The following EPB41L1 variants were observed in gnomAD, a reference collection of about 807,000 sequenced individuals.
The protein encoded by EPB41L1 is band 4.1-like protein 1.
EPB41L1 carries 29 observed loss-of-function variants against 97.8 expected under a neutral mutation model. That is an observed-to-expected ratio of 0.30 (90% confidence interval 0.22 to 0.40). The LOEUF (loss-of-function observed/expected upper bound fraction) is 0.40. EPB41L1 is among the 10% of genes least tolerant of loss of function. The probability of loss-of-function intolerance (pLI) is 1.00; values close to 1 mark genes in which losing one functional copy is unlikely to be tolerated. For synonymous variants in EPB41L1, 383 were observed against 459.2 expected (o/e 0.83, Z 2.12); for missense variants, 812 against 1,162.3 (o/e 0.70, Z 4.38).
intron 1 of EPB41L1, among the ~76,000 whole-genome samples, chr20:36,100,187 G>C (rs2057966106): frequency 6.6e-6 from 1 of 152,222 alleles, no homozygotes. Flanking sequence ...GGCTTATACT[G>C]TCCTGGTAGT....
At chr20:36,158,140 G>A (rs1036151821) in intron 1 of EPB41L1, among the ~76,000 whole-genome samples, 2 of 152,132 alleles carry the variant, frequency 1.3e-5, no homozygotes, top group African/African-American at 4.8e-5. Flanking sequence ...GCTAGGCTGT[G>A]GGGGAGTCAG....
intron 6 of EPB41L1, among the ~76,000 whole-genome samples, chr20:36,184,258 A>C (rs2061589352): frequency 6.6e-6 from 1 of 152,156 alleles, no homozygotes; most frequent in African/African-American, 2.4e-5. Flanking sequence ...AAGAAAAAGA[A>C]ATAGGCAGTT....
chr20:36,196,516 T>C (rs542771961), intron 13 of EPB41L1, among the ~76,000 whole-genome samples: 160 of 152,324 alleles, frequency 1.1e-3, no homozygotes, highest in Middle Eastern at 3.4e-3. Context: ...GCAGCTCAGC[T>C]TGGGAAGGGA....
rs781704804 is a variant in EPB41L1 at position 36,190,395 on chromosome 20, G to A, written c.1124+21G>A. The A allele has an allele frequency of 2.5e-6, 4 of 1,611,898 alleles. No homozygotes were observed. In the African/African-American group the frequency reaches 4.0e-5, roughly 16 times the overall value. ...TTCCGGTGAGCCTGACCTTGGATGGGGTAATGGGGATGGGGCAGAGGCCAT... is the reference window on the plus strand; with the variant it reads ...TTCCGGTGAGCCTGACCTTGGATGGAGTAATGGGGATGGGGCAGAGGCCAT... On this transcript the variant is annotated intron_variant, in intron 10 of 21. Transcript: ENST00000338074. This position sits in a 1 kb window ranked among gnomAD's most constrained non-coding sequence, Gnocchi z 5.8.
In EPB41L1 at chr20:36,206,430, G is replaced by T. The variant is rs769790619; in HGVS notation, c.1669-3058G>T. On this transcript the variant is annotated intron_variant, in intron 14 of 21. Coordinates refer to ENST00000338074, the MANE Select transcript of EPB41L1 (RefSeq NM_012156.2). This position sits in a 1 kb window ranked among gnomAD's most constrained non-coding sequence, Gnocchi z 5.5. ...CAGCCCACGCAGAAGCCAGAGCTGAGTTGAGCAATGAAACTGATACTTCCT... is the reference window on the plus strand; with the variant it reads ...CAGCCCACGCAGAAGCCAGAGCTGATTTGAGCAATGAAACTGATACTTCCT... 1 of 1,290,060 alleles carries T rather than the reference G, an allele frequency of 7.8e-7. No homozygotes were observed. The highest frequency in any genetic ancestry group is 1.0e-6 in the Non-Finnish European group (1 of 988,928). The allele number at this position is 1,290,060 out of a possible 1,614,324, so 79.9% of individuals were successfully genotyped here.
At chr20:36,205,569 C>T (rs1305328617) in intron 14 of EPB41L1, among the ~76,000 whole-genome samples, 1 of 152,162 alleles carries the variant, frequency 6.6e-6, no homozygotes, top group Non-Finnish European at 1.5e-5. Flanking sequence ...CCATGGCTGA[C>T]ATGGGAAGGG....
chr20:36,225,757 A>G (rs2064109250), intron 21 of EPB41L1, among the ~76,000 whole-genome samples: 1 of 151,940 alleles, frequency 6.6e-6, no homozygotes, highest in African/African-American at 2.4e-5. Context: ...TTCCCAGGGC[A>G]TTCAGAACCA....
intron 5 of EPB41L1, among the ~76,000 whole-genome samples, chr20:36,180,792 A>T (rs1033261950): frequency 6.6e-6 from 1 of 152,124 alleles, no homozygotes; most frequent in Non-Finnish European, 1.5e-5. Flanking sequence ...ATTATTGATT[A>T]TTACCATTAT....
Position 36,162,147 on chromosome 20 carries a change from C to T in EPB41L1, c.-15+7251C>T, listed in dbSNP as rs114449629. Among the ~76,000 whole-genome samples, 991 of 152,340 alleles carry T rather than the reference C, an allele frequency of 6.5e-3. 12 individuals carry two copies. Among genetic ancestry groups the T allele is most frequent in the African/African-American group, 0.023 (948 of 41,576 alleles). ...AGGTTAAGTAACCTGCCCAAGGTCA[C>T]CAAGCCTGTGGCATCAGGATTCCAG... On this transcript the variant is annotated intron_variant, in intron 1 of 21. Coordinates refer to ENST00000338074, the MANE Select transcript of EPB41L1 (RefSeq NM_012156.2).
At position 36,229,408 on chromosome 20, in the gene EPB41L1, A is replaced by C. The variant is rs887495290; in HGVS notation, c.*68A>C. On this transcript the variant is annotated 3_prime_UTR_variant, in exon 22 of 22. Coordinates refer to ENST00000338074, the MANE Select transcript of EPB41L1 (RefSeq NM_012156.2). ...AGAGAACCATTAAGAAGGGGCCTTC[A>C]TTCTGGATTCTCCGACGCAACACTG... The C allele has an allele frequency of 2.0e-6, 3 of 1,535,306 alleles. No individual in the cohort carries two copies. In the African/African-American group the frequency reaches 4.1e-5, roughly 21 times the overall value.
At chr20:36,097,610 TGCAATACCACC>T (rs1169300251) in intron 1 of EPB41L1, among the ~76,000 whole-genome samples, 1 of 152,202 alleles carries the variant, frequency 6.6e-6, no homozygotes, top group African/African-American at 2.4e-5. Context: ...CATGTAAAGA[TGCAATACCACC>T]GCAAGGACAA....
rs930552862 is a variant in EPB41L1, at chr20:36,093,484, G to A, written c.-65+1872G>A. Among the ~76,000 whole-genome samples the A allele has an allele frequency of 6.6e-6, 1 of 151,994 alleles. No homozygotes were observed. The highest frequency in any genetic ancestry group is 2.4e-5 in the African/African-American group (1 of 41,408). On this transcript the variant is annotated intron_variant, in intron 1 of 19. Coordinates refer to the EPB41L1 transcript ENST00000202028. This position sits in a 1 kb window ranked among gnomAD's most constrained non-coding sequence, Gnocchi z 5.4. ...TGGGGGCGGCGGTCCAGGCGCCGCCGCCGCTGGGAGCTGGGCACCTGGCCT... is the reference window on the plus strand; with the variant it reads ...TGGGGGCGGCGGTCCAGGCGCCGCCACCGCTGGGAGCTGGGCACCTGGCCT...
chr20:36,094,502 G>A (rs185737742), intron 1 of EPB41L1, among the ~76,000 whole-genome samples: 1 of 152,282 alleles, frequency 6.6e-6, no homozygotes, highest in Admixed American at 6.5e-5. Flanking sequence ...GGATATCCAA[G>A]TGCAAGAATT....
At chr20:36,157,179 G>A (rs1020546731) in intron 1 of EPB41L1, among the ~76,000 whole-genome samples, 8 of 152,098 alleles carry the variant, frequency 5.3e-5, no homozygotes, top group Admixed American at 5.2e-4. Flanking sequence ...AGCCGACATC[G>A]TGCCACTGCA....
chr20:36,155,122 G>C, intron 1 of EPB41L1: 1 of 478,450 alleles, frequency 2.1e-6, no homozygotes, highest in South Asian at 1.5e-5. Flanking sequence ...GTTGGCGGGG[G>C]GTTGGTCCTG....
intron 16 of EPB41L1, among the ~76,000 whole-genome samples, chr20:36,214,096 G>C (rs1307354693): frequency 6.6e-6 from 1 of 152,132 alleles, no homozygotes; most frequent in African/African-American, 2.4e-5. Context: ...CCTAGAGATT[G>C]CTAGGTCAAA....
chr20:36,221,764 T>C, intron 19 of EPB41L1, 100 bp from the exon 20 acceptor site: 1 of 1,028,902 alleles, frequency 9.7e-7, no homozygotes, highest in Non-Finnish European at 1.5e-6. Flanking sequence ...AACTGCTGGT[T>C]CTCAGCCCTG....
intron 2 of EPB41L1, among the ~76,000 whole-genome samples, chr20:36,133,386 C>T (rs1312729345): frequency 6.6e-6 from 1 of 152,214 alleles, no homozygotes; most frequent in African/African-American, 2.4e-5. Context: ...TAACTTGCTC[C>T]CTGACCTTGA....
rs187036331 is a variant in EPB41L1 at position 36,092,673 on chromosome 20, G to A, written c.-65+1061G>A. The A allele has an allele frequency of 0.026, 4,017 of 151,918 alleles. 74 individuals are homozygous for A. Among genetic ancestry groups the A allele is most frequent in the Non-Finnish European group, 0.039 (2,648 of 67,944 alleles). The allele number at this position is 151,918 out of a possible 1,614,324, so 9.4% of individuals were successfully genotyped here. A position where few individuals can be genotyped will look rare whatever the true frequency, so the allele number is the denominator to read the frequency against. On this transcript the variant is annotated intron_variant, in intron 1 of 19. Transcript: ENST00000202028. This position sits in a 1 kb window ranked among gnomAD's most constrained non-coding sequence, Gnocchi z 7.0. Reference sequence around the variant, plus strand: ...GGGCGAGGAGGGGGCTGAGCGCCGTGGGAGGGAGAGCAGGAGCGAGCGCGC... The same window carrying A: ...GGGCGAGGAGGGGGCTGAGCGCCGTAGGAGGGAGAGCAGGAGCGAGCGCGC...
Sources: gnomAD v4.1 joint callset for allele counts (sites outside exome capture counted in the v4.1 genomes callset) on GRCh38, gnomAD v4.1.1 for gene constraint, Gnocchi (gnomAD v3.1) non-coding constraint, MANE v1.5 for transcripts, NCBI Gene and HGNC (gene_info 2026-07-23, HGNC 2026-07-21) for gene names.